SPTBN1: variants seen among roughly 807,000 people sequenced by gnomAD.
SPTBN1 encodes the protein spectrin beta chain, non-erythrocytic 1.
In SPTBN1, 32 loss-of-function variants were observed where a neutral mutation model predicts 266.4. The observed-to-expected ratio is 0.12, with a 90% confidence interval of 0.09 to 0.16. SPTBN1 has a LOEUF of 0.16. SPTBN1 is among the 10% of genes least tolerant of loss of function. The pLI, the probability that SPTBN1 is intolerant of heterozygous loss-of-function variation, is 1.00. For synonymous variants in SPTBN1, 1,336 were observed against 1,162.2 expected, an observed-to-expected ratio of 1.15 and a Z score of -3.04; for missense variants, 2,296 against 3,067.1, an observed-to-expected ratio of 0.75 and a Z score of 5.94.
intron 17 of SPTBN1, among the ~76,000 whole-genome samples, chr2:54,635,550 AC>A (rs1407447265): frequency 6.6e-6 from 1 of 152,266 alleles, no homozygotes; most frequent in Non-Finnish European, 1.5e-5. Flanking sequence ...TATAAGAAAT[AC>A]ATTCAGGATT....
At position 54,518,337 on chromosome 2, in the gene SPTBN1, G is replaced by C. The variant is rs192244231; in HGVS notation, c.-47-8035G>C. On this transcript the variant is annotated intron_variant, in intron 1 of 35. Transcript: ENST00000356805. ...GGAGATGGGGGAGGGATAGCATTAGGAGAAATGCCTAAAGTAAATGACGAG... is the reference window on the plus strand; with the variant it reads ...GGAGATGGGGGAGGGATAGCATTAGCAGAAATGCCTAAAGTAAATGACGAG... 9.9e-5 allele frequency among the ~76,000 whole-genome samples: 15 copies of C among 151,860 alleles called. No homozygotes were observed. The East Asian group carries it at 2.9e-3, about 29-fold the overall frequency.
At chr2:54,463,519 C>T (rs1693474819) in intron 1 of SPTBN1, among the ~76,000 whole-genome samples, 2 of 152,202 alleles carry the variant, frequency 1.3e-5, no homozygotes. Flanking sequence ...ACCTCGCTCA[C>T]ACGCTAAGTG....
chr2:54,621,569 C>A (rs6719237), intron 8 of SPTBN1, 57 bp downstream of exon 8: 1 of 1,396,874 alleles, frequency 7.2e-7, no homozygotes, highest in South Asian at 1.2e-5. Flanking sequence ...ATTGAGCCCT[C>A]ATTCTCCCAT....
intron 31 of SPTBN1, among the ~76,000 whole-genome samples, chr2:54,659,725 T>A (rs1680911350): frequency 6.6e-6 from 1 of 152,206 alleles, no homozygotes; most frequent in African/African-American, 2.4e-5. Context: ...CTTTATGTGG[T>A]GGAGCGGGGC....
At chr2:54,609,585 G>A (rs780570126) in intron 3 of SPTBN1, among the ~76,000 whole-genome samples, 1 of 152,068 alleles carries the variant, frequency 6.6e-6, no homozygotes, top group Non-Finnish European at 1.5e-5. Context: ...AGAGTTTTGT[G>A]TAGTAATGAG....
intron 2 of SPTBN1, among the ~76,000 whole-genome samples, chr2:54,581,034 G>A (rs1674860264): frequency 6.6e-6 from 1 of 151,718 alleles, no homozygotes; most frequent in Non-Finnish European, 1.5e-5. Flanking sequence ...GGTGGTGGAG[G>A]TTGCAGTGAG....
At chr2:54,521,064 A>C (rs1346581725) in intron 1 of SPTBN1, among the ~76,000 whole-genome samples, 1 of 152,236 alleles carries the variant, frequency 6.6e-6, no homozygotes, top group African/African-American at 2.4e-5. Context: ...CATGGCCAAT[A>C]GCACCTTGAG....
At chr2:54,613,467 C>T (rs1453653269) in intron 4 of SPTBN1, among the ~76,000 whole-genome samples, 5 of 152,174 alleles carry the variant, frequency 3.3e-5, no homozygotes, top group Non-Finnish European at 5.9e-5. Context: ...CAGTTAGTGT[C>T]GTGATTATAT....
Position 54,632,667 on chromosome 2 carries a change from G to A in SPTBN1, c.3666G>A (p.Glu1222=), listed in dbSNP as rs1264074978. The A allele has an allele frequency of 5.0e-6, 8 of 1,614,228 alleles. No homozygotes were observed. The highest frequency in any genetic ancestry group is 1.7e-5 in the Admixed American group (1 of 60,024). Reference sequence around the variant, plus strand: ...TCATGACCACCATGGACGCCAATGAGGAGAAGATCAATGCTGTGGTGGAGA... The same window carrying A: ...TCATGACCACCATGGACGCCAATGAAGAGAAGATCAATGCTGTGGTGGAGA... The part of the protein sequence containing the change: ...EDFMTTMDAN[E]EKINAVVETG... Residue 1222 remains glutamate, a synonymous_variant, in exon 17 of 36, where the codon GAG becomes GAA. Coordinates refer to ENST00000356805, the MANE Select transcript of SPTBN1 (RefSeq NM_003128.3).
At chr2:54,464,405 G>A (rs1693521907) in intron 1 of SPTBN1, among the ~76,000 whole-genome samples, 2 of 152,184 alleles carry the variant, frequency 1.3e-5, no homozygotes, top group South Asian at 4.1e-4. Context: ...GGGGTTAGTG[G>A]AAATATCTGG....
intron 1 of SPTBN1, among the ~76,000 whole-genome samples, chr2:54,460,622 C>T (rs1197999416): frequency 1.3e-5 from 2 of 152,186 alleles, no homozygotes; most frequent in Admixed American, 6.5e-5. Flanking sequence ...ATGTCCTGCC[C>T]TCTCGTCCAG....
chr2:54,660,527 G>C (rs972952685), intron 32 of SPTBN1: 2 of 986,084 alleles, frequency 2.0e-6, no homozygotes, highest in African/African-American at 3.5e-5. Context: ...TGAGGAGGGA[G>C]ACATTCTGTA....
intron 2 of SPTBN1, among the ~76,000 whole-genome samples, chr2:54,534,192 T>C (rs17343939): frequency 0.055 from 8,377 of 152,318 alleles, 320 homozygotes; most frequent in Non-Finnish European, 0.087. Flanking sequence ...GTTAGGGCTC[T>C]TCTTGTTCGC....
chr2:54,629,844 A>G lies in SPTBN1; in HGVS notation c.2669+41A>G, dbSNP rs1158533951. 3.1e-6 allele frequency: 5 copies of G among 1,612,684 alleles called. No homozygotes were observed. In the East Asian group the frequency reaches 8.9e-5, roughly 29 times the overall value. On this transcript the variant is annotated intron_variant, in intron 14 of 35. Transcript: ENST00000356805. ...GTCAGCCACTGGCCTGTTCCTTGTG[A>G]CCACCAGTGGCCCAGGAGGTGACCA...
chr2:54,494,255 T>C (rs1009937013), intron 1 of SPTBN1, among the ~76,000 whole-genome samples: 5 of 152,226 alleles, frequency 3.3e-5, no homozygotes, highest in African/African-American at 1.2e-4. Flanking sequence ...AAAGGACTTA[T>C]CTTTTAAGAG....
chr2:54,549,445 T>C (rs1672441419), intron 2 of SPTBN1, among the ~76,000 whole-genome samples: 1 of 152,242 alleles, frequency 6.6e-6, no homozygotes, highest in African/African-American at 2.4e-5. Flanking sequence ...AGAGATTTTC[T>C]ATTTCGGATC....
At chr2:54,586,756 A>G (rs114173875) in intron 2 of SPTBN1, among the ~76,000 whole-genome samples, 1,532 of 152,294 alleles carry the variant, frequency 0.01, 22 homozygotes, top group African/African-American at 0.035. Flanking sequence ...AATTACTGTT[A>G]ACTTTGACAT....
intron 2 of SPTBN1, among the ~76,000 whole-genome samples, chr2:54,559,754 A>C (rs1340785591): frequency 6.6e-6 from 1 of 152,240 alleles, no homozygotes; most frequent in Non-Finnish European, 1.5e-5. Context: ...TGGAGTCAGT[A>C]GTAGGCTGGG....
intron 1 of SPTBN1, among the ~76,000 whole-genome samples, chr2:54,489,004 A>G (rs1439958977): frequency 1.3e-5 from 2 of 152,138 alleles, no homozygotes; most frequent in Non-Finnish European, 1.5e-5. Context: ...TAAGAAATGA[A>G]TGACAAAAAT....
Sources: allele counts gnomAD v4.1 joint callset (sites outside exome capture counted in the v4.1 genomes callset), GRCh38; gene constraint gnomAD v4.1.1; transcripts MANE v1.5; gene names NCBI Gene and HGNC (gene_info 2026-07-23, HGNC 2026-07-21).